The following CYP19A1 variants were observed in gnomAD, a reference collection of about 807,000 sequenced individuals.
The protein encoded by CYP19A1 is cytochrome P450 family 19 subfamily A member 1, also known as aromatase.
CYP19A1 carries 32 observed loss-of-function variants against 44.4 expected under a neutral mutation model. That is an observed-to-expected ratio of 0.72 (90% confidence interval 0.54 to 0.97). The LOEUF (loss-of-function observed/expected upper bound fraction) is 0.97. Among genes scored for constraint, CYP19A1 ranks in the 50% least tolerant of loss-of-function variants. The probability of loss-of-function intolerance (pLI) is 0.00; values close to 1 mark genes in which losing one functional copy is unlikely to be tolerated. For missense variants in CYP19A1, 598 were observed against 637.8 expected (o/e 0.94, Z 0.67); for synonymous variants, 212 against 215.6 (o/e 0.98, Z 0.14).
intron 1 of CYP19A1, among the ~76,000 whole-genome samples, chr15:51,243,372 C>T (rs2033894636): frequency 6.6e-6 from 1 of 152,098 alleles, no homozygotes; most frequent in African/African-American, 2.4e-5. Context: ...AAATCAATTT[C>T]AAAACAAAAA....
intron 3 of CYP19A1, among the ~76,000 whole-genome samples, chr15:51,233,648 A>C (rs2033189564): frequency 1.3e-5 from 2 of 152,206 alleles, no homozygotes; most frequent in Admixed American, 1.3e-4. Context: ...ATTAAGACAG[A>C]TGTAAAAATA....
Position 51,210,416 on chromosome 15 carries a change from C to T in CYP19A1, c.*392G>A, listed in dbSNP as rs1328948004. The T allele has an allele frequency of 2.0e-6, 1 of 510,980 alleles. No individual in the cohort carries two copies. The highest frequency in any genetic ancestry group is 4.4e-5 in the East Asian group (1 of 22,640). 31.7% of individuals were successfully genotyped at this position (510,980 alleles called of 1,614,324 possible). A position where few individuals can be genotyped will look rare whatever the true frequency, so the allele number is the denominator to read the frequency against. On this transcript the variant is annotated 3_prime_UTR_variant, in exon 10 of 10. Transcript: ENST00000396402. ...ACATTGGCCTGGTCTTTCTAATCAACTTGAGTGTTTCTGCCCCAGACATAA... is the reference window on the plus strand; with the variant it reads ...ACATTGGCCTGGTCTTTCTAATCAATTTGAGTGTTTCTGCCCCAGACATAA...
chr15:51,304,763 T>G (rs1488368242), intron 1 of CYP19A1, among the ~76,000 whole-genome samples: 1 of 152,148 alleles, frequency 6.6e-6, no homozygotes, highest in Non-Finnish European at 1.5e-5. Context: ...ATCCTCAGCC[T>G]AATATTCAAG....
chr15:51,288,788 T>C (rs2035771268), intron 1 of CYP19A1, among the ~76,000 whole-genome samples: 1 of 152,202 alleles, frequency 6.6e-6, no homozygotes, highest in Non-Finnish European at 1.5e-5. Flanking sequence ...CATATCCTAC[T>C]GTCCATTACA....
chr15:51,320,352 C>G (rs1396998189), intron 1 of CYP19A1: 2 of 152,366 alleles, frequency 1.3e-5, no homozygotes, highest in East Asian at 3.8e-4. Context: ...CCTGCTACCC[C>G]CAGCCCTGGG....
intron 1 of CYP19A1, among the ~76,000 whole-genome samples, chr15:51,285,515 A>C (rs117121981): frequency 6.6e-6 from 1 of 152,200 alleles, no homozygotes; most frequent in African/African-American, 2.4e-5. Context: ...TTGGGAAAAA[A>C]GCTGAGGCAG....
chr15:51,258,669 T>C (rs1056260799), intron 1 of CYP19A1, among the ~76,000 whole-genome samples: 1 of 152,028 alleles, frequency 6.6e-6, no homozygotes, highest in Non-Finnish European at 1.5e-5. Flanking sequence ...ATCTATTCCC[T>C]CCCATCTCCA....
chr15:51,334,273 G>C (rs529727981), intron 1 of CYP19A1, among the ~76,000 whole-genome samples: 1 of 152,296 alleles, frequency 6.6e-6, no homozygotes, highest in African/African-American at 2.4e-5. Context: ...ATGGGTGAAC[G>C]TTGATGAGGT....
chr15:51,294,348 G>A (rs1430500861), intron 1 of CYP19A1, among the ~76,000 whole-genome samples: 2 of 149,264 alleles, frequency 1.3e-5, no homozygotes, highest in Non-Finnish European at 1.5e-5. Flanking sequence ...TGTGAGGAGC[G>A]CCTCTGCCCG....
intron 1 of CYP19A1, chr15:51,293,791 G>A (rs192299290): frequency 1.8e-5 from 3 of 167,572 alleles, no homozygotes; most frequent in South Asian, 3.1e-4. Context: ...GCTCCTAATC[G>A]CGAGTGATCC....
chr15:51,265,942 G>C (rs1245079609), intron 1 of CYP19A1, among the ~76,000 whole-genome samples: 3 of 152,224 alleles, frequency 2.0e-5, no homozygotes, highest in Non-Finnish European at 4.4e-5. Context: ...ACAGGCTAGA[G>C]GATATGCCTG....
chr15:51,231,638 C>T (rs183754514), intron 3 of CYP19A1, among the ~76,000 whole-genome samples: 86 of 151,598 alleles, frequency 5.7e-4, no homozygotes, highest in Middle Eastern at 3.4e-3. Flanking sequence ...CACATGTGTG[C>T]GCATGTGTGT....
intron 2 of CYP19A1, among the ~76,000 whole-genome samples, chr15:51,239,626 T>C (rs2033622975): frequency 6.7e-6 from 1 of 148,974 alleles, no homozygotes; most frequent in Admixed American, 6.6e-5. Context: ...AATTATGTGG[T>C]AAAATGATAA....
chr15:51,286,951 G>C (rs2035717201), intron 1 of CYP19A1, among the ~76,000 whole-genome samples: 1 of 152,148 alleles, frequency 6.6e-6, no homozygotes, highest in Non-Finnish European at 1.5e-5. Flanking sequence ...CTCTAGTCTT[G>C]CTGAGGCTGA....
chr15:51,299,668 T>TC (rs754769614), intron 1 of CYP19A1, among the ~76,000 whole-genome samples: 4 of 152,210 alleles, frequency 2.6e-5, no homozygotes, highest in Non-Finnish European at 5.9e-5. Context: ...CAGTGAGAAG[T>TC]TCCTTTACAG....
intron 1 of CYP19A1, among the ~76,000 whole-genome samples, chr15:51,245,777 T>C (rs1452931464): frequency 6.6e-6 from 1 of 152,248 alleles, no homozygotes; most frequent in African/African-American, 2.4e-5. Context: ...AAGCCATTCA[T>C]CTTCACGACA....
At chr15:51,212,587 A>G in intron 8 of CYP19A1, 26 bp from the exon 9 acceptor site, 1 of 1,381,712 alleles carries the variant, frequency 7.2e-7, no homozygotes, top group Non-Finnish European at 1.0e-6. Flanking sequence ...AAAGGAACAA[A>G]GAAGGTAATG....
chr15:51,221,816 C>A (rs1449783083), intron 5 of CYP19A1: 1 of 160,460 alleles, frequency 6.2e-6, no homozygotes, highest in Non-Finnish European at 1.4e-5. Context: ...TTGTTTGGCA[C>A]ACATTAGATA....
chr15:51,281,035 C>T (rs2035501442), intron 1 of CYP19A1, among the ~76,000 whole-genome samples: 1 of 152,228 alleles, frequency 6.6e-6, no homozygotes, highest in Non-Finnish European at 1.5e-5. Context: ...TCCCTGATGC[C>T]ACCCCCACTG....
Sources: allele counts gnomAD v4.1 joint callset (sites outside exome capture counted in the v4.1 genomes callset), GRCh38; gene constraint gnomAD v4.1.1; transcripts MANE v1.5; gene names NCBI Gene and HGNC (gene_info 2026-07-23, HGNC 2026-07-21).